The following PPP2R3A variants were observed in gnomAD, a reference collection of about 807,000 sequenced individuals.
The protein encoded by PPP2R3A is protein phosphatase 2 regulatory subunit B''alpha.
A neutral mutation model predicts 106.9 loss-of-function variants in PPP2R3A; 80 were observed. That is an observed-to-expected ratio of 0.75 (90% CI 0.62 to 0.90). The LOEUF (loss-of-function observed/expected upper bound fraction) is 0.90. Ranked by LOEUF, PPP2R3A falls within the 40% of genes least tolerant of loss-of-function variation. PPP2R3A has a pLI of 0.00. For missense variants in PPP2R3A, 1,386 were observed against 1,350.4 expected (o/e 1.03, Z -0.41); for synonymous variants, 483 against 468.3 (o/e 1.03, Z -0.41).
chr3:136,084,266 A>G (rs1190847799), intron 8 of PPP2R3A, among the ~76,000 whole-genome samples: 1 of 152,222 alleles, frequency 6.6e-6, no homozygotes, highest in African/African-American at 2.4e-5. Context: ...AGCTCCAGCC[A>G]TGGCTTAAAG....
Position 136,146,007 on chromosome 3 carries a change from T to TTATG in PPP2R3A, c.*841_*842insTATG, listed in dbSNP as rs1332944562. 4 of 152,184 alleles carry TTATG rather than the reference T, an allele frequency of 2.6e-5. No individual in the cohort carries two copies. The highest frequency in any genetic ancestry group is 9.7e-5 in the African/African-American group (4 of 41,446). 9.4% of individuals were successfully genotyped at this position (152,184 alleles called of 1,614,324 possible). A position where few individuals can be genotyped will look rare whatever the true frequency, so the allele number is the denominator to read the frequency against. On this transcript the variant is annotated 3_prime_UTR_variant, in exon 14 of 14. Coordinates refer to ENST00000264977, the MANE Select transcript of PPP2R3A (RefSeq NM_002718.5). ...CTATCAGAAGGCCTGCTTGAAGACA[T>TTATG]AAAGGAATAATGATACATTAAAATT...
intron 5 of PPP2R3A, among the ~76,000 whole-genome samples, chr3:136,066,822 A>G (rs1936274477): frequency 6.6e-6 from 1 of 152,174 alleles, no homozygotes; most frequent in South Asian, 2.1e-4. Context: ...CCCATTTGCA[A>G]CACTGAGGAT....
At chr3:136,079,943 A>G (rs187253392) in intron 7 of PPP2R3A, among the ~76,000 whole-genome samples, 1 of 152,244 alleles carries the variant, frequency 6.6e-6, no homozygotes, top group African/African-American at 2.4e-5. Context: ...AACAATACTC[A>G]TAAAACATTC....
intron 1 of PPP2R3A, among the ~76,000 whole-genome samples, chr3:135,992,507 G>A (rs566896329): frequency 1.3e-5 from 2 of 152,254 alleles, no homozygotes; most frequent in South Asian, 4.1e-4. Flanking sequence ...GTTTCCTGAA[G>A]TGGAACAAAT....
chr3:136,132,316 G>A (rs1938459199), intron 13 of PPP2R3A, among the ~76,000 whole-genome samples: 2 of 152,232 alleles, frequency 1.3e-5, no homozygotes, highest in Admixed American at 1.3e-4. Context: ...GATTGGAAAG[G>A]AAGATGTAAA....
At chr3:136,069,467 C>T (rs1936361504) in intron 5 of PPP2R3A, among the ~76,000 whole-genome samples, 1 of 152,118 alleles carries the variant, frequency 6.6e-6, no homozygotes, top group Non-Finnish European at 1.5e-5. Context: ...GTCCCAGCTA[C>T]TCAAGAGGCT....
intron 7 of PPP2R3A, chr3:136,079,154 A>G (rs771536237): frequency 2.2e-6 from 1 of 455,002 alleles, no homozygotes; most frequent in South Asian, 1.6e-5. Context: ...AGACAGAGTA[A>G]TGAAGACTTG....
intron 3 of PPP2R3A, among the ~76,000 whole-genome samples, chr3:136,030,380 C>A (rs1010633296): frequency 2.0e-5 from 3 of 151,866 alleles, no homozygotes; most frequent in African/African-American, 7.3e-5. Flanking sequence ...TCATGTCTTC[C>A]AGTTAGCTAA....
At chr3:135,989,943 T>C (rs1477038285) in intron 1 of PPP2R3A, among the ~76,000 whole-genome samples, 1 of 152,180 alleles carries the variant, frequency 6.6e-6, no homozygotes, top group African/African-American at 2.4e-5. Context: ...CAAAAGGATA[T>C]TTACAAAAAT....
In PPP2R3A at chr3:136,020,581, G is replaced by GT. The variant is rs35073291; in HGVS notation, c.1996-6242dup. On this transcript the variant is annotated intron_variant, in intron 2 of 13. Transcript: ENST00000264977. The stretch of plus-strand genomic sequence containing the variant: ...TAGTTTACTTTTACTAAAACTTAGG[G>GT]TTTTTTTTTAATTTTAGAACAGCTT... Among the ~76,000 whole-genome samples, 33 of 151,076 alleles carry GT rather than the reference G, an allele frequency of 2.2e-4. No homozygotes were observed. The East Asian group carries it at 3.3e-3, about 15-fold the overall frequency.
intron 13 of PPP2R3A, among the ~76,000 whole-genome samples, chr3:136,138,837 G>A (rs1287220905): frequency 3.4e-5 from 5 of 147,680 alleles, no homozygotes; most frequent in South Asian, 2.2e-4. Context: ...TCAGCCTCCC[G>A]AGTAGCTGGG....
At chr3:136,047,000 G>C (rs1935491648) in intron 4 of PPP2R3A, among the ~76,000 whole-genome samples, 1 of 152,138 alleles carries the variant, frequency 6.6e-6, no homozygotes, top group Non-Finnish European at 1.5e-5. Context: ...GAGTCTCAGA[G>C]CTCAAAGACC....
rs755207842 is a variant in PPP2R3A, at chr3:136,103,367, G to C, written c.3213G>C (p.Ala1071=). 1.9e-6 allele frequency: 3 copies of C among 1,581,638 alleles called. No homozygotes were observed. Among genetic ancestry groups the C allele is most frequent in the Non-Finnish European group, 2.6e-6 (3 of 1,153,188 alleles). The change falls in exon 12 of 14, where the codon GCG becomes GCC. Residue 1071 remains alanine, a synonymous_variant. Transcript: ENST00000264977. Reference sequence around the variant, plus strand: ...ACCATGAACAGAGAGATCCCTTTGCGGTCCAGAAGGTAACAGTATAATTTT... The same window carrying C: ...ACCATGAACAGAGAGATCCCTTTGCCGTCCAGAAGGTAACAGTATAATTTT... ...YLDHEQRDPF[A]VQKDVENDGP...
chr3:136,099,594 C>G (rs1331066720), intron 10 of PPP2R3A, among the ~76,000 whole-genome samples: 1 of 151,720 alleles, frequency 6.6e-6, no homozygotes, highest in African/African-American at 2.4e-5. Context: ...AGCTGTGTAA[C>G]CCTCCCAGAA....
chr3:135,972,178 T>C (rs1176285677), intron 1 of PPP2R3A, among the ~76,000 whole-genome samples: 2 of 152,202 alleles, frequency 1.3e-5, no homozygotes, highest in East Asian at 3.9e-4. Flanking sequence ...TTTCTGTCTA[T>C]ATGGATTTGC....
In PPP2R3A at chr3:136,145,064, T is replaced by C. The variant is rs1410742364; in HGVS notation, c.3351T>C (p.Asp1117=). 6.2e-7 allele frequency: 1 copy of C among 1,612,966 alleles called. No homozygotes were observed. Among genetic ancestry groups the C allele is most frequent in the African/African-American group, 1.3e-5 (1 of 74,890 alleles). Residue 1117 remains aspartate, a synonymous_variant, in exon 14 of 14, where the codon GAT becomes GAC. Coordinates refer to ENST00000264977, the MANE Select transcript of PPP2R3A (RefSeq NM_002718.5). The part of the protein sequence containing the change: ...FQEGFEDYET[D]EPASPSEFGN... ...TCAGCTTTGAAGATTATGAAACAGA[T>C]GAACCTGCCTCTCCCTCTGAATTTG...
chr3:136,005,579 A>T lies in PPP2R3A; in HGVS notation c.1995+2086A>T, dbSNP rs148504079. On this transcript the variant is annotated intron_variant, in intron 2 of 13. Coordinates refer to ENST00000264977, the MANE Select transcript of PPP2R3A (RefSeq NM_002718.5). ...GTATCTTTAGTTTGGGGTCAACACT[A>T]GGGGAGAAACTTGGAATTAATCACA... Among the ~76,000 whole-genome samples, 464 of 152,292 alleles carry T rather than the reference A, an allele frequency of 3.0e-3. 3 individuals carry two copies. Among genetic ancestry groups the T allele is most frequent in the African/African-American group, 0.011 (444 of 41,558 alleles).
intron 5 of PPP2R3A, among the ~76,000 whole-genome samples, chr3:136,050,288 G>T (rs1473341987): frequency 6.6e-6 from 1 of 152,164 alleles, no homozygotes; most frequent in Non-Finnish European, 1.5e-5. Flanking sequence ...TGTAAAAAAA[G>T]GATAAGTCTC....
intron 11 of PPP2R3A, 101 bp downstream of exon 11, chr3:136,102,283 A>G: frequency 7.9e-7 from 1 of 1,271,882 alleles, no homozygotes; most frequent in African/African-American, 1.5e-5. Flanking sequence ...CAGAGTCTTG[A>G]TAGAAGACTT....
Sources: gnomAD v4.1 joint callset for allele counts (sites outside exome capture counted in the v4.1 genomes callset) on GRCh38, gnomAD v4.1.1 for gene constraint, MANE v1.5 for transcripts, NCBI Gene and HGNC (gene_info 2026-07-23, HGNC 2026-07-21) for gene names.